Variants in ENG observed in about 807,000 individuals in gnomAD.
The protein encoded by ENG is endoglin.
A neutral mutation model predicts 71.0 loss-of-function variants in ENG; 17 were observed. The observed-to-expected ratio is 0.24, with a 90% CI of 0.16 to 0.36. The LOEUF (loss-of-function observed/expected upper bound fraction) is 0.36, where lower values mean the gene tolerates loss of function less well. Among genes scored for constraint, ENG ranks in the 10% least tolerant of loss-of-function variants. The pLI, the probability that ENG is intolerant of heterozygous loss-of-function variation, is 1.00. For synonymous variants in ENG, 360 were observed against 366.9 expected, an observed-to-expected ratio of 0.98 and a Z score of 0.21; for missense variants, 749 against 868.3, an observed-to-expected ratio of 0.86 and a Z score of 1.73.
chr9:127,820,425 C>T (rs1463077005), intron 8 of ENG, among the ~76,000 whole-genome samples: 1 of 151,708 alleles, frequency 6.6e-6, no homozygotes, highest in African/African-American at 2.4e-5. Flanking sequence ...AAACTCCTGA[C>T]CTCAGGTGAT....
rs373475136 is a variant in ENG, at chr9:127,825,405, C to T, written c.690-48G>A. 4.2e-5 allele frequency: 67 copies of T among 1,602,678 alleles called. No individual in the cohort carries two copies. The Middle Eastern group carries it at 5.7e-4, about 14-fold the overall frequency. Reference sequence around the variant, plus strand: ...GGAACACTGAAGCGGACAGGCCAGGCGGGGAGCGAGGCCTGGCGTCGGGTG... The same window carrying T: ...GGAACACTGAAGCGGACAGGCCAGGTGGGGAGCGAGGCCTGGCGTCGGGTG... On this transcript the variant is annotated intron_variant, in intron 5 of 14. Transcript: ENST00000373203.
chr9:127,843,755 A>ATATT (rs1554812402), intron 1 of ENG, among the ~76,000 whole-genome samples: 1 of 25,040 alleles, frequency 4.0e-5, no homozygotes, highest in Non-Finnish European at 6.9e-5. Context: ...ATATATATAT[A>ATATT]TTTTTTTTTT....
intron 3 of ENG, among the ~76,000 whole-genome samples, chr9:127,828,945 C>T (rs1411763016): frequency 6.6e-6 from 1 of 152,112 alleles, no homozygotes; most frequent in African/African-American, 2.4e-5. Flanking sequence ...ATCTGGGGGC[C>T]ACCTCCCAGA....
chr9:127,816,884 G>C, intron 13 of ENG: 1 of 562,602 alleles, frequency 1.8e-6, no homozygotes, highest in East Asian at 3.0e-5. Flanking sequence ...GGATGGAGTG[G>C]AGCCGTGAGT....
At chr9:127,816,797 C>A (rs779624982) in intron 13 of ENG, 3 of 405,068 alleles carry the variant, frequency 7.4e-6, no homozygotes, top group Non-Finnish European at 1.4e-5. Context: ...GAAGGCAAGG[C>A]CAGCACCCAC....
At position 127,826,571 on chromosome 9, in the gene ENG, G is replaced by T; in HGVS notation, c.462C>A (p.Gly154=). The T allele has an allele frequency of 1.2e-6, 2 of 1,614,076 alleles. No individual in the cohort carries two copies. The highest frequency in any genetic ancestry group is 1.7e-6 in the Non-Finnish European group (2 of 1,179,994). The change falls in exon 4 of 15, where the codon GGC becomes GGA. Residue 154 remains glycine, a synonymous_variant. Coordinates refer to ENST00000373203, the MANE Select transcript of ENG (RefSeq NM_001114753.3). ...TQILEWAAER[G]PITSAAELND... ...TCAGCTCAGCAGCAGAGGTGATGGG[G>T]CCCCTCTCAGCTGCCCACTCAAGGA...
intron 10 of ENG, 54 bp downstream of exon 10, chr9:127,819,568 G>C: frequency 3.1e-6 from 5 of 1,610,554 alleles, no homozygotes; most frequent in Non-Finnish European, 4.2e-6. Flanking sequence ...AAGAGGCCCC[G>C]GCCCAGCAGC....
rs1369272469 is a variant in ENG, at chr9:127,824,961, T to C, written c.830A>G (p.Tyr277Cys). 1.2e-6 allele frequency: 2 copies of C among 1,613,132 alleles called. No homozygotes were observed. The highest frequency in any genetic ancestry group is 1.7e-6 in the Non-Finnish European group (2 of 1,179,878). The change falls in exon 7 of 15, where the codon TAC becomes TGC. Residue 277 changes from tyrosine to cysteine, a missense_variant. Transcript: ENST00000373203. ...TTTCTCTGGAAAGATCTTGAAGGAG[T>C]ATTCTCCAGTGGTCTAATGGTGGGG... The part of the protein sequence containing the change: ...HNMQIWTTGE[Y>C]SFKIFPEKNI...
At chr9:127,835,033 C>T (rs922172759) in intron 2 of ENG, among the ~76,000 whole-genome samples, 3 of 151,370 alleles carry the variant, frequency 2.0e-5, no homozygotes, top group Admixed American at 2.0e-4. Context: ...ACAGGGTCTC[C>T]CTCTGTTGCC....
intron 1 of ENG, among the ~76,000 whole-genome samples, chr9:127,845,558 A>G (rs900185873): frequency 2.0e-5 from 3 of 152,222 alleles, no homozygotes; most frequent in Admixed American, 6.5e-5. Flanking sequence ...CTCAGGCCCA[A>G]TGCTTACCAG....
chr9:127,816,447 C>G, intron 13 of ENG: 1 of 352,362 alleles, frequency 2.8e-6, no homozygotes, highest in South Asian at 2.5e-5. Context: ...GAGAATGGGC[C>G]AGAGCAGCTC....
In ENG at chr9:127,819,890, C is replaced by T. The variant is rs761559874; in HGVS notation, c.1272+10G>A. On this transcript the variant is annotated intron_variant, in intron 9 of 14. Transcript: ENST00000373203. ...GCTGGTCCTGATACCTTTTTGGCCC[C>T]AGCTCTTACCTCATTGCTGATCATA... 40 of 1,614,204 alleles carry T rather than the reference C, an allele frequency of 2.5e-5. No homozygotes were observed. The highest frequency in any genetic ancestry group is 5.0e-5 in the Admixed American group (3 of 60,032).
chr9:127,841,891 G>C lies in ENG; in HGVS notation c.219+1203C>G, dbSNP rs564885445. 6.6e-5 allele frequency among the ~76,000 whole-genome samples: 10 copies of C among 152,336 alleles called. No homozygotes were observed. The South Asian group carries it at 2.1e-3, about 32-fold the overall frequency. ...TGGGCACGTCACTCCATCGCTCTCA[G>C]CCAGCCTCAGTTTCCTTCTCCAAGA... On this transcript the variant is annotated intron_variant, in intron 2 of 14. Transcript: ENST00000373203.
chr9:127,843,195 C>A lies in ENG; in HGVS notation c.118G>T (p.Gly40Cys), dbSNP rs778319338. The A allele has an allele frequency of 8.7e-6, 14 of 1,614,128 alleles. 1 individual carries two copies. The South Asian group carries it at 1.5e-4, about 18-fold the overall frequency. Reference protein sequence around the residue: ...CDLQPVGPERGEVTYTTSQVS... With the variant: ...CDLQPVGPERCEVTYTTSQVS... ...TGGCTAGTGGTATATGTCACCTCGC[C>A]CCTCTCGGGGCCCACAGGCTGAAGG... The change falls in exon 2 of 15, where the codon GGC becomes TGC. Residue 40 changes from glycine (G) to cysteine (C), a missense_variant. Transcript: ENST00000373203.
At chr9:127,841,242 A>C (rs1831024836) in intron 2 of ENG, 1 of 152,540 alleles carries the variant, frequency 6.6e-6, no homozygotes, top group South Asian at 2.1e-4. Flanking sequence ...ATCCCGTAGC[A>C]GCTGGAGTGC....
chr9:127,843,395 G>T, intron 1 of ENG, 150 bp from the exon 2 acceptor site: 1 of 1,088,304 alleles, frequency 9.2e-7, no homozygotes, highest in Non-Finnish European at 1.4e-6. Context: ...CATTATATTC[G>T]TTCCATGGAT....
chr9:127,820,828 CAA>C (rs1162043418), intron 8 of ENG, among the ~76,000 whole-genome samples: 9 of 142,292 alleles, frequency 6.3e-5, no homozygotes, highest in South Asian at 2.2e-4. Context: ...GACTCCGTCT[CAA>C]AAAAAAAAAA....
At chr9:127,830,622 G>A (rs1830741879) in intron 2 of ENG, among the ~76,000 whole-genome samples, 2 of 151,728 alleles carry the variant, frequency 1.3e-5, no homozygotes, top group African/African-American at 2.4e-5. Flanking sequence ...ACTCCAGCCT[G>A]GGCAACAAGA....
chr9:127,826,911 G>A (rs957074369), intron 3 of ENG: 2 of 544,304 alleles, frequency 3.7e-6, no homozygotes, highest in African/African-American at 1.9e-5. Context: ...TCATCCACCT[G>A]TCCAAACATC....
Sources: gnomAD v4.1 joint callset for allele counts (sites outside exome capture counted in the v4.1 genomes callset) on GRCh38, gnomAD v4.1.1 for gene constraint, MANE v1.5 for transcripts, NCBI Gene and HGNC (gene_info 2026-07-23, HGNC 2026-07-21) for gene names.